TEX9: variants seen among roughly 807,000 people sequenced by gnomAD.
TEX9 encodes testis expressed 9, also known as testis-expressed protein 9.
Under a neutral mutation model 59.6 loss-of-function variants are expected in TEX9, and 74 were observed. The ratio of observed to expected loss-of-function variants is 1.24; its 90% CI spans 1.03 to 1.51. The LOEUF is 1.51. TEX9 is among the 40% of genes most tolerant of loss of function. The probability of loss-of-function intolerance (pLI) is 0.00; values close to 1 mark genes in which losing one functional copy is unlikely to be tolerated. For missense variants in TEX9, 522 were observed against 447.8 expected (o/e 1.17, Z -1.49); for synonymous variants, 186 against 152.2 (o/e 1.22, Z -1.64).
At chr15:56,266,576 GTTTGGTT>G (rs2044388999) in intron 1 of TEX9, among the ~76,000 whole-genome samples, 1 of 150,932 alleles carries the variant, frequency 6.6e-6, no homozygotes, top group Non-Finnish European at 1.5e-5. Context: ...AACACGCAGT[GTTTGGTT>G]TTCTGTCCTT....
chr15:56,325,919 A>G (rs745647411), intron 1 of TEX9, among the ~76,000 whole-genome samples: 18 of 152,328 alleles, frequency 1.2e-4, no homozygotes, highest in Admixed American at 3.3e-4. Flanking sequence ...AGGTGCTTCA[A>G]TGATTCCTTC....
At chr15:56,370,979 C>G (rs1458611718) in intron 2 of TEX9, among the ~76,000 whole-genome samples, 1 of 152,134 alleles carries the variant, frequency 6.6e-6, no homozygotes, top group Non-Finnish European at 1.5e-5. Context: ...TCCTCAGCCT[C>G]CCCAGTAGCT....
intron 1 of TEX9, among the ~76,000 whole-genome samples, chr15:56,339,382 C>CAAAAA (rs1567091301): frequency 2.1e-3 from 6 of 2,830 alleles, no homozygotes; most frequent in Non-Finnish European, 3.4e-3. Flanking sequence ...GACTCCTTCT[C>CAAAAA]CAAAAAAAAA....
At chr15:56,339,413 A>AAAAAAAAC (rs2046330821) in intron 1 of TEX9, among the ~76,000 whole-genome samples, 2 of 148,970 alleles carry the variant, frequency 1.3e-5, no homozygotes, top group Non-Finnish European at 3.0e-5. Context: ...AAAAAAAAAA[A>AAAAAAAAC]ACAGGAGAAT....
intron 4 of TEX9, among the ~76,000 whole-genome samples, chr15:56,387,969 C>A (rs115963009): frequency 2.8e-4 from 43 of 152,052 alleles, no homozygotes; most frequent in African/African-American, 1.0e-3. Flanking sequence ...CAAATACTTA[C>A]GCCAGTAGTA....
At chr15:56,411,114 T>G (rs1052993537) in intron 9 of TEX9, among the ~76,000 whole-genome samples, 2 of 152,204 alleles carry the variant, frequency 1.3e-5, no homozygotes, top group East Asian at 3.9e-4. Context: ...TCATTTCAAC[T>G]CTATAATATT....
At chr15:56,381,267 G>C (rs556158451) in intron 3 of TEX9, among the ~76,000 whole-genome samples, 2 of 152,182 alleles carry the variant, frequency 1.3e-5, no homozygotes, top group Admixed American at 1.3e-4. Flanking sequence ...ATGTCAATCT[G>C]TTCGTTAAAT....
chr15:56,413,955 C>T (rs1033775003), intron 10 of TEX9, among the ~76,000 whole-genome samples: 3 of 151,628 alleles, frequency 2.0e-5, no homozygotes, highest in Non-Finnish European at 4.4e-5. Context: ...CAGGGGCCAT[C>T]AATGATGGCA....
At chr15:56,446,717 TTACAAATATTTAAGAAATC>T (rs2050906912), downstream of TEX9, 1 of 674,740 alleles carries the variant, frequency 1.5e-6, no homozygotes, top group East Asian at 2.9e-5. Context: ...ATCTGAAAAT[TTACAAATATTTAAGAAATC>T]TAGCAGTGTA....
At chr15:56,412,809 T>A (rs1216554832) in intron 10 of TEX9, among the ~76,000 whole-genome samples, 1 of 152,194 alleles carries the variant, frequency 6.6e-6, no homozygotes, top group Non-Finnish European at 1.5e-5. Context: ...AAAGTAAGGC[T>A]CTATTTTACA....
intron 1 of TEX9, among the ~76,000 whole-genome samples, chr15:56,285,998 T>C (rs950896729): frequency 3.3e-5 from 5 of 152,180 alleles, no homozygotes; most frequent in Admixed American, 6.5e-5. Context: ...GGCCATTGGA[T>C]TTTTATGAAA....
At chr15:56,261,209 A>T (rs1477953702) in intron 1 of TEX9, among the ~76,000 whole-genome samples, 1 of 151,964 alleles carries the variant, frequency 6.6e-6, no homozygotes, top group Admixed American at 6.6e-5. Context: ...ATTTTATGTC[A>T]GCTATTTCAT....
At chr15:56,427,478 T>TTA in intron 10 of TEX9, 127 bp from the exon 11 acceptor site, 1 of 593,402 alleles carries the variant, frequency 1.7e-6, no homozygotes, top group Non-Finnish European at 2.6e-6. Context: ...AAAGCAATTT[T>TTA]TATCTACAAA....
chr15:56,252,663 G>A (rs2044052315), intron 1 of TEX9, among the ~76,000 whole-genome samples: 1 of 152,072 alleles, frequency 6.6e-6, no homozygotes, highest in Non-Finnish European at 1.5e-5. Flanking sequence ...CGTGCTTCCT[G>A]TAACCTCTAG....
chr15:56,368,968 T>C (rs1005507877), intron 2 of TEX9, among the ~76,000 whole-genome samples: 8 of 152,166 alleles, frequency 5.3e-5, no homozygotes, highest in Admixed American at 5.2e-4. Flanking sequence ...TTTTTTAGTT[T>C]ATTTACCTCA....
At chr15:56,290,053 G>A (rs781372521) in intron 1 of TEX9, among the ~76,000 whole-genome samples, 5 of 152,180 alleles carry the variant, frequency 3.3e-5, no homozygotes, top group African/African-American at 7.2e-5. Flanking sequence ...TCTGGTGTCT[G>A]AGATGTGGGC....
At position 56,434,167 on chromosome 15, in the gene TEX9, C is replaced by A. The variant is rs780817708; in HGVS notation, c.*29+5694C>A. The A allele has an allele frequency of 6.2e-6, 10 of 1,613,482 alleles. No individual in the cohort carries two copies. In the South Asian group the frequency reaches 1.1e-4, roughly 18 times the overall value. On this transcript the variant is annotated intron_variant, in intron 12 of 12. Coordinates refer to ENST00000352903, the Ensembl canonical transcript of TEX9. The stretch of plus-strand genomic sequence containing the variant: ...TCTGCAAGGAATTGTTGGCGACGCT[C>A]TTCAATAAGTTTTTCCACAGCCCTC...
intron 4 of TEX9, among the ~76,000 whole-genome samples, chr15:56,386,821 T>TA (rs1411570760): frequency 1.3e-5 from 2 of 151,946 alleles, no homozygotes; most frequent in African/African-American, 4.8e-5. Context: ...AGTTTTTTTT[T>TA]AATGCAACTG....
At chr15:56,448,024 C>T (rs2050920631), downstream of TEX9, among the ~76,000 whole-genome samples, 1 of 152,172 alleles carries the variant, frequency 6.6e-6, no homozygotes, top group Non-Finnish European at 1.5e-5. Flanking sequence ...TAGATATCCA[C>T]TCGCATTGCT....
Sources: allele counts gnomAD v4.1 joint callset (sites outside exome capture counted in the v4.1 genomes callset), GRCh38; gene constraint gnomAD v4.1.1; transcripts MANE v1.5; gene names NCBI Gene and HGNC (gene_info 2026-07-23, HGNC 2026-07-21).